LRP1B: variants seen among roughly 807,000 people sequenced by gnomAD.
LRP1B encodes the protein LDL receptor related protein 1B, also known as low-density lipoprotein receptor-related protein 1B.
A neutral mutation model predicts 556.6 loss-of-function variants in LRP1B; 217 were observed. That is an observed-to-expected ratio of 0.39 (90% CI 0.35 to 0.44). LRP1B has a LOEUF of 0.44. LRP1B is among the 20% of genes least tolerant of loss of function. LRP1B has a pLI of 1.00. For missense variants in LRP1B, 5,053 were observed against 5,620.8 expected (o/e 0.90, Z 3.23); for synonymous variants, 2,047 against 1,865.8 (o/e 1.10, Z -2.50).
intron 83 of LRP1B, among the ~76,000 whole-genome samples, chr2:140,310,763 A>T (rs1028070209): frequency 6.6e-6 from 1 of 151,938 alleles, no homozygotes; most frequent in Non-Finnish European, 1.5e-5. Flanking sequence ...TGAATTTAAA[A>T]TTTAAATGTA....
At chr2:140,767,382 G>C (rs1316467265) in intron 35 of LRP1B, among the ~76,000 whole-genome samples, 1 of 151,914 alleles carries the variant, frequency 6.6e-6, no homozygotes, top group Non-Finnish European at 1.5e-5. Context: ...CTTCTCCTTA[G>C]GAAAAGTTAC....
At chr2:141,825,561 A>G (rs942378485) in intron 1 of LRP1B, among the ~76,000 whole-genome samples, 1 of 152,200 alleles carries the variant, frequency 6.6e-6, no homozygotes, top group African/African-American at 2.4e-5. Context: ...TAAATTATCA[A>G]TTGAGAAGAG....
Position 140,536,568 on chromosome 2 carries a change from AT to A in LRP1B, c.7642+12del. On this transcript the variant is annotated intron_variant, in intron 46 of 90. Coordinates refer to ENST00000389484, the MANE Select transcript of LRP1B (RefSeq NM_018557.3). ...CTTTATCTGAAACGAGCAAACCCAT[AT>A]TGGACACTTACCACAGTAGAGCAGT... The A allele has an allele frequency of 6.2e-7, 1 of 1,603,298 alleles. No individual in the cohort carries two copies. Among genetic ancestry groups the A allele is most frequent in the Non-Finnish European group, 8.5e-7 (1 of 1,176,438 alleles).
intron 41 of LRP1B, among the ~76,000 whole-genome samples, chr2:140,638,277 C>T (rs1205046305): frequency 6.6e-6 from 1 of 152,150 alleles, no homozygotes; most frequent in African/African-American, 2.4e-5. Context: ...CACTTGTTTA[C>T]CAGTATGGGC....
intron 2 of LRP1B, among the ~76,000 whole-genome samples, chr2:141,522,738 A>T (rs1006993517): frequency 1.3e-5 from 2 of 152,178 alleles, no homozygotes; most frequent in African/African-American, 4.8e-5. Flanking sequence ...GCCAAGAATC[A>T]GGACTGAATC....
intron 6 of LRP1B, among the ~76,000 whole-genome samples, chr2:141,199,338 G>A (rs1008723019): frequency 3.3e-5 from 5 of 151,976 alleles, no homozygotes; most frequent in Middle Eastern, 3.2e-3. Flanking sequence ...AGGCTCAGTG[G>A]GCTTTTATTT....
At chr2:140,741,465 T>A (rs1688135294) in intron 35 of LRP1B, among the ~76,000 whole-genome samples, 1 of 152,176 alleles carries the variant, frequency 6.6e-6, no homozygotes, top group Non-Finnish European at 1.5e-5. Context: ...ATTGCCAATG[T>A]TCAGCAACCA....
chr2:140,288,260 A>C (rs988660333), intron 84 of LRP1B, among the ~76,000 whole-genome samples: 18 of 151,700 alleles, frequency 1.2e-4, no homozygotes, highest in Non-Finnish European at 2.5e-4. Flanking sequence ...GTATAGCTAC[A>C]AAAGAGGTTA....
Position 140,600,437 on chromosome 2 carries a change from A to G in LRP1B, c.6989+1013T>C, listed in dbSNP as rs147006586. ...AATCTGACCTCACTTTTAGCTCTAT[A>G]AAAGGGTTCAGATTTACAACTATTT... On this transcript the variant is annotated intron_variant, in intron 42 of 90. Transcript: ENST00000389484. 6.2e-4 allele frequency among the ~76,000 whole-genome samples: 95 copies of G among 152,256 alleles called. 1 individual carries two copies. The highest frequency in any genetic ancestry group is 2.3e-3 in the African/African-American group (94 of 41,566).
intron 2 of LRP1B, among the ~76,000 whole-genome samples, chr2:141,519,435 G>C (rs1266757244): frequency 7.2e-6 from 1 of 139,006 alleles, no homozygotes; most frequent in Non-Finnish European, 1.5e-5. Flanking sequence ...TAGTTTTTAA[G>C]CAAAGCTTGC....
At chr2:140,994,389 A>ATG (rs3061707) in intron 15 of LRP1B, among the ~76,000 whole-genome samples, 37,840 of 146,546 alleles carry the variant, frequency 0.26, 4,903 homozygotes, top group African/African-American at 0.31. Flanking sequence ...GTAGGTAAGG[A>ATG]TGTGTGTGTG....
intron 25 of LRP1B, among the ~76,000 whole-genome samples, chr2:140,879,757 A>C (rs1335214231): frequency 6.6e-6 from 1 of 152,074 alleles, no homozygotes; most frequent in African/African-American, 2.4e-5. Flanking sequence ...ATGTATGGAA[A>C]TGTTCAGTCA....
At chr2:140,319,489 T>C (rs571281781) in intron 82 of LRP1B, among the ~76,000 whole-genome samples, 1 of 152,198 alleles carries the variant, frequency 6.6e-6, no homozygotes, top group South Asian at 2.1e-4. Context: ...AAAGGATCTG[T>C]TTCTGAGAGG....
At chr2:141,507,337 C>A (rs1683969758) in intron 2 of LRP1B, among the ~76,000 whole-genome samples, 1 of 151,994 alleles carries the variant, frequency 6.6e-6, no homozygotes, top group Non-Finnish European at 1.5e-5. Flanking sequence ...TATTATTAAA[C>A]CAAAAATTAA....
intron 7 of LRP1B, among the ~76,000 whole-genome samples, chr2:141,122,820 A>G (rs1701095612): frequency 6.6e-6 from 1 of 152,180 alleles, no homozygotes; most frequent in Non-Finnish European, 1.5e-5. Flanking sequence ...TAGCGGCACT[A>G]TTCACAATAG....
intron 66 of LRP1B, among the ~76,000 whole-genome samples, chr2:140,433,935 G>A (rs1427481354): frequency 5.3e-5 from 8 of 151,822 alleles, no homozygotes; most frequent in Non-Finnish European, 1.0e-4. Flanking sequence ...ATAGAATTGA[G>A]AAAGGAAGTG....
intron 41 of LRP1B, among the ~76,000 whole-genome samples, chr2:140,658,928 T>C (rs1684985529): frequency 6.6e-6 from 1 of 151,936 alleles, no homozygotes; most frequent in Admixed American, 6.6e-5. Flanking sequence ...GAATTCTAAA[T>C]CAATATTCAG....
At chr2:141,546,218 C>T (rs773101755) in intron 2 of LRP1B, among the ~76,000 whole-genome samples, 4 of 152,118 alleles carry the variant, frequency 2.6e-5, no homozygotes, top group East Asian at 3.9e-4. Flanking sequence ...AACCCACTCA[C>T]GATAGACTCA....
chr2:141,402,526 G>GT (rs1284219228), intron 3 of LRP1B, among the ~76,000 whole-genome samples: 2 of 151,586 alleles, frequency 1.3e-5, no homozygotes, highest in African/African-American at 4.8e-5. Context: ...AGTGTTTGAG[G>GT]TAAAAAAAAA....
Sources: gnomAD v4.1 joint callset for allele counts (sites outside exome capture counted in the v4.1 genomes callset) on GRCh38, gnomAD v4.1.1 for gene constraint, MANE v1.5 for transcripts, NCBI Gene and HGNC (gene_info 2026-07-23, HGNC 2026-07-21) for gene names.